The following NALF1 variants were observed in gnomAD, a reference collection of about 807,000 sequenced individuals.
NALF1 encodes NALCN channel auxiliary factor 1.
In NALF1, 3 loss-of-function variants were observed where a neutral mutation model predicts 48.4. The observed-to-expected ratio is 0.06, with a 90% confidence interval of 0.03 to 0.16. The LOEUF (loss-of-function observed/expected upper bound fraction) is 0.16, where lower values mean the gene tolerates loss of function less well. NALF1 is among the 10% of genes least tolerant of loss of function. The probability of loss-of-function intolerance (pLI) is 1.00; values close to 1 mark genes in which losing one functional copy is unlikely to be tolerated. For missense variants in NALF1, 526 were observed against 571.5 expected, an observed-to-expected ratio of 0.92 and a Z score of 0.81; for synonymous variants, 262 against 245.7, an observed-to-expected ratio of 1.07 and a Z score of -0.62.
At chr13:107,687,256 A>C (rs572932072) in intron 1 of NALF1, among the ~76,000 whole-genome samples, 1 of 152,218 alleles carries the variant, frequency 6.6e-6, no homozygotes, top group South Asian at 2.1e-4. Flanking sequence ...GTGGGCACAC[A>C]TGGACATAAA....
intron 1 of NALF1, among the ~76,000 whole-genome samples, chr13:107,704,957 T>G (rs1881911570): frequency 6.6e-6 from 1 of 152,206 alleles, no homozygotes; most frequent in African/African-American, 2.4e-5. Flanking sequence ...ATTATTAGTG[T>G]CATGCCTGGC....
intron 1 of NALF1, among the ~76,000 whole-genome samples, chr13:107,777,609 T>C (rs531371599): frequency 2.6e-5 from 4 of 152,348 alleles, no homozygotes; most frequent in East Asian, 3.9e-4. Context: ...CTCCAGCTTC[T>C]GCCTAATTGT....
intron 1 of NALF1, among the ~76,000 whole-genome samples, chr13:107,474,936 G>C (rs1885155662): frequency 6.6e-6 from 1 of 152,114 alleles, no homozygotes; most frequent in South Asian, 2.1e-4. Context: ...CAGTTTGAAA[G>C]CTTTCTGGTT....
chr13:107,237,149 C>T (rs140776922), intron 1 of NALF1, among the ~76,000 whole-genome samples: 1,971 of 148,710 alleles, frequency 0.013, 32 homozygotes, highest in African/African-American at 0.045. Context: ...AGACAAAATA[C>T]GTAATTTATA....
intron 1 of NALF1, among the ~76,000 whole-genome samples, chr13:107,832,342 T>C (rs1227024172): frequency 2.0e-5 from 3 of 152,070 alleles, no homozygotes; most frequent in African/African-American, 7.2e-5. Flanking sequence ...TTCAGCTTTA[T>C]CTCATCTTAT....
At chr13:107,374,925 G>C (rs559450309) in intron 1 of NALF1, among the ~76,000 whole-genome samples, 2 of 152,204 alleles carry the variant, frequency 1.3e-5, no homozygotes, top group African/African-American at 4.8e-5. Flanking sequence ...ATAAATTTCT[G>C]CTCATTATAA....
chr13:107,365,938 G>T (rs1486050087), intron 1 of NALF1, among the ~76,000 whole-genome samples: 1 of 152,188 alleles, frequency 6.6e-6, no homozygotes, highest in Non-Finnish European at 1.5e-5. Context: ...GAAATCGGAA[G>T]TTCAATTAGC....
chr13:107,534,229 A>ACTAC (rs1173507460), intron 1 of NALF1, among the ~76,000 whole-genome samples: 1 of 152,108 alleles, frequency 6.6e-6, no homozygotes, highest in African/African-American at 2.4e-5. Context: ...GACTCTGGAA[A>ACTAC]GTATGATCTT....
intron 1 of NALF1, among the ~76,000 whole-genome samples, chr13:107,547,133 A>T (rs1454617211): frequency 6.6e-6 from 1 of 152,222 alleles, no homozygotes; most frequent in African/African-American, 2.4e-5. Context: ...GATAATCATC[A>T]CAATATATAA....
At chr13:107,613,908 C>T (rs1231309369) in intron 1 of NALF1, among the ~76,000 whole-genome samples, 2 of 152,180 alleles carry the variant, frequency 1.3e-5, no homozygotes, top group African/African-American at 4.8e-5. Flanking sequence ...TTCATTCCTT[C>T]CTGTTGGCAA....
chr13:107,492,990 T>C (rs1047202234), intron 1 of NALF1, among the ~76,000 whole-genome samples: 9 of 152,196 alleles, frequency 5.9e-5, no homozygotes, highest in African/African-American at 2.2e-4. Flanking sequence ...TTAGAATTTG[T>C]TGCTAGAATT....
In NALF1 at chr13:107,284,587, A is replaced by G. The variant is rs561594472; in HGVS notation, c.916-73832T>C. Among the ~76,000 whole-genome samples the G allele has an allele frequency of 3.0e-3, 449 of 152,054 alleles. 1 individual carries two copies. Among genetic ancestry groups the G allele is most frequent in the Non-Finnish European group, 4.8e-3 (327 of 67,946 alleles). Reference sequence around the variant, plus strand: ...GAACTGTGTCCCGCCCTCCCCCTCAAATTCGTATGTTGAAGCCCTAACTCC... The same window carrying G: ...GAACTGTGTCCCGCCCTCCCCCTCAGATTCGTATGTTGAAGCCCTAACTCC... On this transcript the variant is annotated intron_variant, in intron 1 of 2. Transcript: ENST00000375915.
In NALF1 at chr13:107,211,492, A is replaced by G. The variant is rs115263974; in HGVS notation, c.916-737T>C. On this transcript the variant is annotated intron_variant, in intron 1 of 2. Transcript: ENST00000375915. ...TATTTATGTAATTTCATCAAATGTG[A>G]AAGGACTGGGACTTCATTCATCTCT... is the stretch of plus-strand genomic sequence containing the variant. 4.0e-3 allele frequency among the ~76,000 whole-genome samples: 603 copies of G among 152,344 alleles called. 4 individuals carry two copies. The highest frequency in any genetic ancestry group is 0.014 in the African/African-American group (563 of 41,572).
At chr13:107,175,713 A>G (rs1160929835) in intron 2 of NALF1, among the ~76,000 whole-genome samples, 2 of 152,170 alleles carry the variant, frequency 1.3e-5, no homozygotes, top group Non-Finnish European at 2.9e-5. Flanking sequence ...TCAGTAGGTC[A>G]CATAAGCAGA....
At chr13:107,293,272 G>A (rs973358924) in intron 1 of NALF1, among the ~76,000 whole-genome samples, 11 of 152,098 alleles carry the variant, frequency 7.2e-5, no homozygotes, top group Middle Eastern at 3.4e-3. Context: ...GAGCCACCGC[G>A]CTCAGCCAAC....
At chr13:107,779,061 T>C (rs531918322) in intron 1 of NALF1, among the ~76,000 whole-genome samples, 171 of 152,372 alleles carry the variant, frequency 1.1e-3, no homozygotes, top group African/African-American at 3.8e-3. Flanking sequence ...GAGAAGCTAA[T>C]TATTTCATAT....
intron 1 of NALF1, among the ~76,000 whole-genome samples, chr13:107,513,079 T>C (rs1406524956): frequency 6.6e-6 from 1 of 152,154 alleles, no homozygotes; most frequent in Admixed American, 6.5e-5. Flanking sequence ...ATTTTCAAAA[T>C]AAGCATTCAA....
intron 1 of NALF1, among the ~76,000 whole-genome samples, chr13:107,500,241 C>G (rs1875474469): frequency 6.6e-6 from 1 of 152,152 alleles, no homozygotes; most frequent in Non-Finnish European, 1.5e-5. Flanking sequence ...GCTGCTACAA[C>G]AGAATACTTG....
intron 2 of NALF1, among the ~76,000 whole-genome samples, chr13:107,173,203 T>A (rs1373636700): frequency 6.6e-6 from 1 of 152,200 alleles, no homozygotes; most frequent in Non-Finnish European, 1.5e-5. Context: ...GATTTTTCAT[T>A]TTTAGCATTA....
Sources: gnomAD v4.1 joint callset for allele counts (sites outside exome capture counted in the v4.1 genomes callset) on GRCh38, gnomAD v4.1.1 for gene constraint, MANE v1.5 for transcripts, NCBI Gene and HGNC (gene_info 2026-07-23, HGNC 2026-07-21) for gene names.